FMN1: variants seen among roughly 807,000 people sequenced by gnomAD.
The protein encoded by FMN1 is formin 1.
FMN1 carries 110 observed loss-of-function variants against 132.4 expected under a neutral mutation model. The observed-to-expected ratio is 0.83, with a 90% confidence interval of 0.71 to 0.97. The LOEUF (loss-of-function observed/expected upper bound fraction) is 0.97, where lower values mean the gene tolerates loss of function less well. Ranked by LOEUF, FMN1 falls within the 50% of genes least tolerant of loss-of-function variation. FMN1 has a pLI of 0.00. For synonymous variants in FMN1, 722 were observed against 651.7 expected, an observed-to-expected ratio of 1.11 and a Z score of -1.64; for missense variants, 1,792 against 1,705.3, an observed-to-expected ratio of 1.05 and a Z score of -0.90.
At chr15:32,937,041 T>C (rs370844265) in intron 9 of FMN1, among the ~76,000 whole-genome samples, 4 of 152,184 alleles carry the variant, frequency 2.6e-5, no homozygotes, top group Non-Finnish European at 5.9e-5. Context: ...GCCAGAGCAT[T>C]GGACGGATGC....
chr15:32,814,230 T>A (rs1211771743), intron 17 of FMN1, among the ~76,000 whole-genome samples: 1 of 152,230 alleles, frequency 6.6e-6, no homozygotes, highest in Non-Finnish European at 1.5e-5. Context: ...AAGTGACAGA[T>A]GTCTTTTGTA....
At chr15:32,870,857 G>A (rs2059498545) in intron 16 of FMN1, among the ~76,000 whole-genome samples, 1 of 152,066 alleles carries the variant, frequency 6.6e-6, no homozygotes, top group Non-Finnish European at 1.5e-5. Flanking sequence ...AATTAAAGAT[G>A]GTAACTCCAG....
At chr15:32,868,659 C>A (rs2059447955) in intron 16 of FMN1, among the ~76,000 whole-genome samples, 1 of 152,066 alleles carries the variant, frequency 6.6e-6, no homozygotes, top group Non-Finnish European at 1.5e-5. Context: ...TAGATGGAGG[C>A]AGGGGCTGGA....
intron 4 of FMN1, among the ~76,000 whole-genome samples, chr15:33,147,186 A>C (rs920688929): frequency 6.6e-6 from 1 of 151,866 alleles, no homozygotes; most frequent in Non-Finnish European, 1.5e-5. Context: ...AAAAAAAGAA[A>C]TAAAACAAAA....
rs114794353 is a variant in FMN1 at position 32,983,028 on chromosome 15, C to T, written c.2224-13551G>A. ...TATATCTATATATTTTACGTATACA[C>T]GCACACATAGACGCACACATCCTAT... On this transcript the variant is annotated intron_variant, in intron 7 of 20. Coordinates refer to ENST00000616417, the MANE Select transcript of FMN1 (RefSeq NM_001277313.2). 7.5e-3 allele frequency among the ~76,000 whole-genome samples: 1,147 copies of T among 152,100 alleles called. 10 individuals carry two copies. Among genetic ancestry groups the T allele is most frequent in the African/African-American group, 0.026 (1,083 of 41,420 alleles).
At chr15:33,031,070 T>A (rs2035915327) in intron 6 of FMN1, among the ~76,000 whole-genome samples, 2 of 151,878 alleles carry the variant, frequency 1.3e-5, no homozygotes, top group Non-Finnish European at 2.9e-5. Context: ...GGAATTATTA[T>A]TATTATTATT....
At chr15:32,873,057 A>G (rs984571785) in intron 16 of FMN1, among the ~76,000 whole-genome samples, 5 of 152,222 alleles carry the variant, frequency 3.3e-5, no homozygotes, top group African/African-American at 1.2e-4. Context: ...AGCCACTGCT[A>G]ATCAGTTTGC....
At chr15:32,994,012 A>G (rs994009794) in intron 7 of FMN1, among the ~76,000 whole-genome samples, 1 of 152,030 alleles carries the variant, frequency 6.6e-6, no homozygotes, top group African/African-American at 2.4e-5. Context: ...AAATTGGGAA[A>G]CCTTAAAAAG....
chr15:33,083,736 G>T (rs900578506), intron 5 of FMN1, among the ~76,000 whole-genome samples: 9 of 152,096 alleles, frequency 5.9e-5, no homozygotes, highest in Non-Finnish European at 2.9e-5. Flanking sequence ...GAGACCTGCT[G>T]GGCTGCATTC....
chr15:32,866,068 G>A (rs118130787), intron 16 of FMN1, among the ~76,000 whole-genome samples: 3,617 of 151,484 alleles, frequency 0.024, 64 homozygotes, highest in Non-Finnish European at 0.035. Context: ...TCACACAACG[G>A]GGCCTGTTGT....
chr15:32,838,824 T>C (rs545474880), intron 17 of FMN1, among the ~76,000 whole-genome samples: 15 of 152,136 alleles, frequency 9.9e-5, no homozygotes, highest in Non-Finnish European at 2.1e-4. Context: ...GCTTGAACAA[T>C]AGGATTGTGA....
At chr15:33,120,047 AT>A (rs1266930232) in intron 4 of FMN1, among the ~76,000 whole-genome samples, 1 of 152,146 alleles carries the variant, frequency 6.6e-6, no homozygotes, top group Non-Finnish European at 1.5e-5. Context: ...AAACTAAGAG[AT>A]TAGCAATTAA....
chr15:32,963,798 G>A (rs2030873499), intron 9 of FMN1, among the ~76,000 whole-genome samples: 1 of 151,976 alleles, frequency 6.6e-6, no homozygotes, highest in Admixed American at 6.6e-5. Context: ...CAGAAGATAT[G>A]GCCAAAATAG....
At chr15:33,061,377 T>C (rs1329666573) in intron 6 of FMN1, among the ~76,000 whole-genome samples, 1 of 152,116 alleles carries the variant, frequency 6.6e-6, no homozygotes, top group African/African-American at 2.4e-5. Context: ...TATTTATCTT[T>C]TAAAACATAT....
intron 6 of FMN1, chr15:33,012,706 A>G: frequency 1.3e-6 from 1 of 780,042 alleles, no homozygotes; most frequent in Non-Finnish European, 2.3e-6. Flanking sequence ...AGGACATAGT[A>G]GTTCTGGAAA....
At chr15:32,987,751 A>G (rs1248438921) in intron 7 of FMN1, among the ~76,000 whole-genome samples, 1 of 152,188 alleles carries the variant, frequency 6.6e-6, no homozygotes, top group Non-Finnish European at 1.5e-5. Flanking sequence ...CATCAGTGTA[A>G]CACAGGTAAG....
chr15:32,795,002 C>A (rs1051365265), intron 19 of FMN1, among the ~76,000 whole-genome samples: 1 of 151,954 alleles, frequency 6.6e-6, no homozygotes, highest in Non-Finnish European at 1.5e-5. Flanking sequence ...TTGAGACCAG[C>A]CTGGGCAACA....
At chr15:32,888,499 C>T (rs2059947660) in intron 15 of FMN1, among the ~76,000 whole-genome samples, 1 of 152,186 alleles carries the variant, frequency 6.6e-6, no homozygotes, top group Non-Finnish European at 1.5e-5. Context: ...GACTTATTGG[C>T]AATGAGGTCG....
intron 2 of FMN1, among the ~76,000 whole-genome samples, chr15:33,191,231 A>T (rs1005674300): frequency 6.6e-6 from 1 of 152,148 alleles, no homozygotes; most frequent in African/African-American, 2.4e-5. Context: ...TGTCACGTGG[A>T]AGACCACAGT....
Sources: allele counts gnomAD v4.1 joint callset (sites outside exome capture counted in the v4.1 genomes callset), GRCh38; gene constraint gnomAD v4.1.1; transcripts MANE v1.5; gene names NCBI Gene and HGNC (gene_info 2026-07-23, HGNC 2026-07-21).